Variants in AGMO observed in about 807,000 individuals in gnomAD.
The protein encoded by AGMO is alkylglycerol monooxygenase.
A neutral mutation model predicts 60.2 loss-of-function variants in AGMO; 75 were observed. The ratio of observed to expected loss-of-function variants is 1.25; its 90% CI spans 1.03 to 1.51. AGMO has a LOEUF of 1.51. Ranked by LOEUF, AGMO falls within the 40% of genes most tolerant of loss-of-function variation. AGMO has a pLI of 0.00. For missense variants in AGMO, 763 were observed against 525.5 expected, an observed-to-expected ratio of 1.45 and a Z score of -4.42; for synonymous variants, 261 against 177.1, an observed-to-expected ratio of 1.47 and a Z score of -3.76.
the AGMO span, among the ~76,000 whole-genome samples, chr7:15,144,973 G>A: frequency 6.6e-6 from 1 of 152,146 alleles, no homozygotes; most frequent in South Asian, 2.1e-4. Context: ...GGGACTACAG[G>A]CGCCCGCCGC....
chr7:15,320,752 TACAA>T (rs1378694959), intron 12 of AGMO, among the ~76,000 whole-genome samples: 5 of 152,270 alleles, frequency 3.3e-5, no homozygotes, highest in South Asian at 2.1e-4. Context: ...AATGGATGCA[TACAA>T]ACAAACTTGA....
the AGMO span, among the ~76,000 whole-genome samples, chr7:15,166,591 C>T: frequency 6.6e-6 from 1 of 151,998 alleles, no homozygotes; most frequent in African/African-American, 2.4e-5. Context: ...GTTATCATTC[C>T]AGGTGCTATA....
At chr7:15,344,040 A>C (rs1054756657) in intron 12 of AGMO, among the ~76,000 whole-genome samples, 6 of 152,300 alleles carry the variant, frequency 3.9e-5, no homozygotes, top group African/African-American at 7.2e-5. Context: ...AAAAATAGAC[A>C]CTTGTCAGAC....
At chr7:15,439,488 A>C (rs1781491390) in intron 3 of AGMO, among the ~76,000 whole-genome samples, 1 of 152,132 alleles carries the variant, frequency 6.6e-6, no homozygotes, top group Admixed American at 6.5e-5. Flanking sequence ...TTCACTTTGT[A>C]CTCTGCCCCT....
intron 12 of AGMO, among the ~76,000 whole-genome samples, chr7:15,242,335 T>C (rs562823185): frequency 6.6e-6 from 1 of 152,192 alleles, no homozygotes; most frequent in African/African-American, 2.4e-5. Flanking sequence ...ATCTTCCAGA[T>C]AGTGAGAACT....
intron 3 of AGMO, among the ~76,000 whole-genome samples, chr7:15,442,817 G>GCT (rs1460006282): frequency 1.3e-5 from 2 of 152,138 alleles, no homozygotes; most frequent in Non-Finnish European, 2.9e-5. Flanking sequence ...CTAGCAGGCA[G>GCT]AGACACAAGC....
chr7:15,281,390 T>C (rs1467589158), intron 12 of AGMO, among the ~76,000 whole-genome samples: 1 of 152,078 alleles, frequency 6.6e-6, no homozygotes, highest in African/African-American at 2.4e-5. Flanking sequence ...TGTGGCTGCA[T>C]CTCCACAGGA....
the AGMO span, among the ~76,000 whole-genome samples, chr7:15,137,517 G>T: frequency 6.6e-6 from 1 of 152,200 alleles, no homozygotes; most frequent in Non-Finnish European, 1.5e-5. Context: ...TTAGGGGAAG[G>T]AGGGCTTGAT....
intron 3 of AGMO, among the ~76,000 whole-genome samples, chr7:15,501,481 TA>T (rs896156822): frequency 1.2e-3 from 182 of 149,566 alleles, no homozygotes; most frequent in Admixed American, 5.6e-3. Flanking sequence ...AAATTTTTAT[TA>T]AAAAAAAAAT....
chr7:15,163,013 A>C, the AGMO span, among the ~76,000 whole-genome samples: 1 of 152,094 alleles, frequency 6.6e-6, no homozygotes, highest in African/African-American at 2.4e-5. Context: ...AGTGTTTTAT[A>C]GTTCTCCTTG....
intron 12 of AGMO, among the ~76,000 whole-genome samples, chr7:15,265,622 T>A (rs558685513): frequency 6.6e-6 from 1 of 151,590 alleles, no homozygotes; most frequent in Admixed American, 6.6e-5. Context: ...AAAAAAAAAA[T>A]GTTAATTTCA....
intron 12 of AGMO, among the ~76,000 whole-genome samples, chr7:15,210,741 C>A (rs566726251): frequency 6.6e-6 from 1 of 152,034 alleles, no homozygotes; most frequent in South Asian, 2.1e-4. Flanking sequence ...TTTGGCTAGG[C>A]CTCTTCTCCT....
chr7:15,312,396 C>T (rs1057302517), intron 12 of AGMO, among the ~76,000 whole-genome samples: 1 of 152,012 alleles, frequency 6.6e-6, no homozygotes, highest in African/African-American at 2.4e-5. Context: ...AAATAAAAGG[C>T]AAGTTTCCTT....
chr7:15,402,444 A>C (rs1397950578), intron 5 of AGMO, among the ~76,000 whole-genome samples: 1 of 151,564 alleles, frequency 6.6e-6, no homozygotes, highest in African/African-American at 2.4e-5. Context: ...ATAATTCACT[A>C]TAGGCTCATG....
chr7:15,253,296 G>A (rs555427710), intron 12 of AGMO, among the ~76,000 whole-genome samples: 6 of 152,134 alleles, frequency 3.9e-5, no homozygotes, highest in Admixed American at 2.0e-4. Context: ...TTATGGAGAT[G>A]CTAATGTTGG....
At chr7:15,238,100 C>G (rs1782481407) in intron 12 of AGMO, among the ~76,000 whole-genome samples, 2 of 151,780 alleles carry the variant, frequency 1.3e-5, no homozygotes, top group African/African-American at 4.9e-5. Context: ...AACCCACTTG[C>G]TTTTTGTTCC....
intron 12 of AGMO, among the ~76,000 whole-genome samples, chr7:15,312,985 T>C (rs1161544569): frequency 6.6e-6 from 1 of 152,102 alleles, no homozygotes; most frequent in African/African-American, 2.4e-5. Flanking sequence ...TTCTGAATAA[T>C]GAATTTCATC....
At chr7:15,434,884 C>A (rs1781356016) in intron 3 of AGMO, among the ~76,000 whole-genome samples, 1 of 150,626 alleles carries the variant, frequency 6.6e-6, no homozygotes, top group African/African-American at 2.4e-5. Context: ...TTCTCAGTCC[C>A]TAGTATCCAA....
chr7:15,221,539 T>C (rs1211495682), intron 12 of AGMO, among the ~76,000 whole-genome samples: 1 of 152,040 alleles, frequency 6.6e-6, no homozygotes, highest in Non-Finnish European at 1.5e-5. Flanking sequence ...AAAATTCAAG[T>C]ACAGGGTTTT....
Sources: allele counts gnomAD v4.1 joint callset (sites outside exome capture counted in the v4.1 genomes callset), GRCh38; gene constraint gnomAD v4.1.1; transcripts MANE v1.5; gene names NCBI Gene and HGNC (gene_info 2026-07-23, HGNC 2026-07-21).